The following DLGAP2 variants were observed in gnomAD, a reference collection of about 807,000 sequenced individuals.
DLGAP2 encodes DLG associated protein 2.
Under a neutral mutation model 100.3 loss-of-function variants are expected in DLGAP2, and 26 were observed. That is an observed-to-expected ratio of 0.26 (90% confidence interval 0.19 to 0.36). The LOEUF (loss-of-function observed/expected upper bound fraction) is 0.36. Ranked by LOEUF, DLGAP2 falls within the 10% of genes least tolerant of loss-of-function variation. The pLI, the probability that DLGAP2 is intolerant of heterozygous loss-of-function variation, is 1.00. For synonymous variants in DLGAP2, 886 were observed against 630.1 expected, an observed-to-expected ratio of 1.41 and a Z score of -6.08; for missense variants, 1,858 against 1,453.2, an observed-to-expected ratio of 1.28 and a Z score of -4.53.
chr8:1,365,876 C>T (rs998855086), intron 3 of DLGAP2, among the ~76,000 whole-genome samples: 3 of 152,200 alleles, frequency 2.0e-5, no homozygotes, highest in African/African-American at 7.2e-5. Flanking sequence ...TCTCTAACTC[C>T]CCAGAATAAA....
Position 964,344 on chromosome 8 carries a change from G to T in DLGAP2, c.73+56378G>T. On this transcript the variant is annotated intron_variant, in intron 2 of 14. Coordinates refer to ENST00000637795, the MANE Select transcript of DLGAP2 (RefSeq NM_001346810.2). ...CACGCAGCCCTGGTGGCGCTGTACT[G>T]TCGTGGACTCTGCTGCGACGCAGTT... Among the ~76,000 whole-genome samples, 2 of 152,240 alleles carry T rather than the reference G, an allele frequency of 1.3e-5. 1 individual carries two copies. Among genetic ancestry groups the T allele is most frequent in the Non-Finnish European group, 2.9e-5 (2 of 68,044 alleles).
chr8:762,266 T>C (rs1313778586), intron 1 of DLGAP2, among the ~76,000 whole-genome samples: 1 of 152,232 alleles, frequency 6.6e-6, no homozygotes, highest in African/African-American at 2.4e-5. Context: ...ACTTTTTATG[T>C]GCAACTTATT....
intron 2 of DLGAP2, among the ~76,000 whole-genome samples, chr8:1,211,486 A>G (rs1239004019): frequency 6.6e-6 from 1 of 152,250 alleles, no homozygotes; most frequent in Non-Finnish European, 1.5e-5. Context: ...CCCAACAATG[A>G]TATAAAGTAC....
intron 14 of DLGAP2, among the ~76,000 whole-genome samples, 162 bp downstream of exon 14, chr8:1,697,461 T>C (rs1413736919): frequency 6.6e-6 from 1 of 152,156 alleles, no homozygotes; most frequent in Non-Finnish European, 1.5e-5. Flanking sequence ...TACGCACATG[T>C]GTGTGCGTGT....
At chr8:1,102,656 C>T (rs929720514) in intron 2 of DLGAP2, among the ~76,000 whole-genome samples, 16 of 152,170 alleles carry the variant, frequency 1.1e-4, no homozygotes, top group Non-Finnish European at 2.1e-4. Flanking sequence ...TGTGGGCACT[C>T]GCCTCTGTGG....
Position 1,678,583 on chromosome 8 carries a change from C to A in DLGAP2, c.2658C>A (p.Cys886Ter). The change falls in exon 12 of 15, where the codon TGC becomes TGA. Residue 886 changes from cysteine to a stop codon, truncating the protein, a stop_gained. Coordinates refer to ENST00000637795, the MANE Select transcript of DLGAP2 (RefSeq NM_001346810.2). LOFTEE classifies it high-confidence loss of function. ...HAETKRMEGWCKEMEREAEEN... is the reference protein window; with the variant it reads ...HAETKRMEGW The stretch of plus-strand genomic sequence containing the variant: ...AGACAAAGAGGATGGAAGGCTGGTG[C>A]AAAGAGATGGAGAGAGAGGCGGAGG... 6.3e-7 allele frequency: 1 copy of A among 1,579,780 alleles called. No homozygotes were observed. Among genetic ancestry groups the A allele is most frequent in the Non-Finnish European group, 8.6e-7 (1 of 1,163,260 alleles).
intron 3 of DLGAP2, among the ~76,000 whole-genome samples, chr8:1,334,902 C>T (rs1801239703): frequency 6.6e-6 from 1 of 152,258 alleles, no homozygotes; most frequent in South Asian, 2.1e-4. Flanking sequence ...CTCCTCCCCG[C>T]CTTGGCCCTC....
intron 4 of DLGAP2, among the ~76,000 whole-genome samples, chr8:1,514,597 G>T (rs904887579): frequency 6.6e-5 from 10 of 152,318 alleles, no homozygotes; most frequent in Middle Eastern, 3.4e-3. Flanking sequence ...TCACCTCCAG[G>T]CGCCGCTAGA....
chr8:806,442 T>A (rs996816067), intron 1 of DLGAP2, among the ~76,000 whole-genome samples: 2 of 152,122 alleles, frequency 1.3e-5, no homozygotes, highest in Non-Finnish European at 2.9e-5. Flanking sequence ...GGGGATCCAA[T>A]GCGCACCTGG....
chr8:1,198,664 A>C (rs1051887331), intron 2 of DLGAP2, among the ~76,000 whole-genome samples: 2 of 152,178 alleles, frequency 1.3e-5, no homozygotes, highest in Non-Finnish European at 2.9e-5. Context: ...GCTCAGGCCC[A>C]GCTCCACCCC....
At chr8:968,037 C>A (rs1330405315) in intron 2 of DLGAP2, among the ~76,000 whole-genome samples, 4 of 151,224 alleles carry the variant, frequency 2.6e-5, no homozygotes, top group Non-Finnish European at 5.9e-5. Flanking sequence ...TGCCCTCATG[C>A]TGACACAGAT....
At chr8:1,122,720 C>G (rs1796078818) in intron 2 of DLGAP2, among the ~76,000 whole-genome samples, 1 of 151,618 alleles carries the variant, frequency 6.6e-6, no homozygotes, top group Non-Finnish European at 1.5e-5. Flanking sequence ...CTTCCTCCCT[C>G]TTTCCCTCTC....
intron 2 of DLGAP2, among the ~76,000 whole-genome samples, chr8:977,897 G>T (rs547313054): frequency 1.6e-5 from 1 of 63,918 alleles, no homozygotes; most frequent in Non-Finnish European, 3.4e-5. Flanking sequence ...CGTCGGGGAT[G>T]CAGTGAGGGG....
At chr8:1,172,740 C>A (rs187906564) in intron 2 of DLGAP2, among the ~76,000 whole-genome samples, 84 of 152,288 alleles carry the variant, frequency 5.5e-4, no homozygotes, top group East Asian at 4.3e-3. Flanking sequence ...TCCATCAGCT[C>A]CTTTAAGCAC....
intron 2 of DLGAP2, among the ~76,000 whole-genome samples, chr8:974,652 T>G (rs1800117559): frequency 6.6e-6 from 1 of 152,128 alleles, no homozygotes; most frequent in Admixed American, 6.5e-5. Flanking sequence ...AATAACACAT[T>G]CGTCAAAGAA....
At chr8:1,609,424 T>C (rs375846929) in intron 6 of DLGAP2, among the ~76,000 whole-genome samples, 3,691 of 109,918 alleles carry the variant, frequency 0.034, 95 homozygotes, top group East Asian at 0.086. Context: ...CGGTACCAGC[T>C]GCTGCAAAAT....
Position 1,599,961 on chromosome 8 carries a change from T to A in DLGAP2, c.1443-26779T>A, listed in dbSNP as rs538646316. 6.6e-5 allele frequency among the ~76,000 whole-genome samples: 10 copies of A among 152,348 alleles called. No homozygotes were observed. In the South Asian group the frequency reaches 1.7e-3, roughly 25 times the overall value. On this transcript the variant is annotated intron_variant, in intron 6 of 14. Transcript: ENST00000637795. Reference sequence around the variant, plus strand: ...CCCATTAATTGATGCAATTTCTTCATAGTGTCGATGGTCTTTACAATTTGG... The same window carrying A: ...CCCATTAATTGATGCAATTTCTTCAAAGTGTCGATGGTCTTTACAATTTGG...
At chr8:1,284,501 G>A (rs928285979) in intron 3 of DLGAP2, among the ~76,000 whole-genome samples, 1 of 152,190 alleles carries the variant, frequency 6.6e-6, no homozygotes, top group Non-Finnish European at 1.5e-5. Flanking sequence ...CAAGACCACA[G>A]TCCCCACGCA....
At chr8:1,026,098 G>A (rs1030015641) in intron 2 of DLGAP2, among the ~76,000 whole-genome samples, 6 of 152,208 alleles carry the variant, frequency 3.9e-5, no homozygotes, top group Non-Finnish European at 8.8e-5. Context: ...TGGCAGAAAC[G>A]GAGCTCAGCT....
Sources: allele counts gnomAD v4.1 joint callset (sites outside exome capture counted in the v4.1 genomes callset), GRCh38; gene constraint gnomAD v4.1.1; transcripts MANE v1.5; gene names NCBI Gene and HGNC (gene_info 2026-07-23, HGNC 2026-07-21).